Variants in CASZ1 observed in about 807,000 individuals in gnomAD.
The protein encoded by CASZ1 is zinc finger protein castor homolog 1.
In CASZ1, 28 loss-of-function variants were observed where a neutral mutation model predicts 135.2. That is an observed-to-expected ratio of 0.21 (90% CI 0.15 to 0.28). CASZ1 has a LOEUF of 0.28. Ranked by LOEUF, CASZ1 falls within the 10% of genes least tolerant of loss-of-function variation. CASZ1 has a pLI of 1.00. For missense variants in CASZ1, 2,161 were observed against 2,453.3 expected, an observed-to-expected ratio of 0.88 and a Z score of 2.52; for synonymous variants, 1,068 against 1,073.4, an observed-to-expected ratio of 0.99 and a Z score of 0.10.
Position 10,724,975 on chromosome 1 carries a change from T to C in CASZ1, c.-76-19431A>G, listed in dbSNP as rs913408744. Among the ~76,000 whole-genome samples, 1 of 152,226 alleles carries C rather than the reference T, an allele frequency of 6.6e-6. No individual in the cohort carries two copies. The highest frequency in any genetic ancestry group is 2.1e-4 in the South Asian group (1 of 4,836). On this transcript the variant is annotated intron_variant, in intron 2 of 20. Coordinates refer to ENST00000377022, the MANE Select transcript of CASZ1 (RefSeq NM_001079843.3). The surrounding 1 kb of genome is among the most constrained non-coding windows in gnomAD (Gnocchi z 4.1). ...TTGAAATAACCTACAAATTACTTAATGTGTTGTAAATCTGGGGGAATTCAG... is the reference window on the plus strand; with the variant it reads ...TTGAAATAACCTACAAATTACTTAACGTGTTGTAAATCTGGGGGAATTCAG...
At chr1:10,677,987 G>C (rs995153495) in intron 4 of CASZ1, among the ~76,000 whole-genome samples, 1 of 152,320 alleles carries the variant, frequency 6.6e-6, no homozygotes, top group South Asian at 2.1e-4. Context: ...AAATGGGTAG[G>C]ACGTGTGTGG....
chr1:10,655,892 G>C (rs1642773882), intron 8 of CASZ1, 79 bp from the exon 9 acceptor site: 3 of 1,450,468 alleles, frequency 2.1e-6, no homozygotes, highest in Non-Finnish European at 2.9e-6. Flanking sequence ...GAGCACCTGG[G>C]CCAGGTGCTG....
Position 10,755,188 on chromosome 1 carries a change from G to A in CASZ1, c.-77+5513C>T, listed in dbSNP as rs1353583204. 1.3e-5 allele frequency among the ~76,000 whole-genome samples: 2 copies of A among 152,210 alleles called. No homozygotes were observed. The highest frequency in any genetic ancestry group is 1.9e-4 in the East Asian group (1 of 5,188). ...GTGGGCAGCAAGGGGATCACTGGCC[G>A]CCTCATGCCTCAGGGTGGTGGCTCT... On this transcript the variant is annotated intron_variant, in intron 2 of 20. Transcript: ENST00000377022. This position sits in a 1 kb window ranked among gnomAD's most constrained non-coding sequence, Gnocchi z 4.3.
chr1:10,786,815 C>T (rs893148316), intron 1 of CASZ1, among the ~76,000 whole-genome samples: 9 of 152,112 alleles, frequency 5.9e-5, no homozygotes, highest in Non-Finnish European at 1.3e-4. Context: ...TGAATGGGAT[C>T]CCCCATTCTG....
rs59054467 is a variant in CASZ1, at chr1:10,636,655, C to CAAAAAAAAAAAAAAA, written c.*2272_*2286dup. On this transcript the variant is annotated 3_prime_UTR_variant, in exon 21 of 21. Coordinates refer to ENST00000377022, the MANE Select transcript of CASZ1 (RefSeq NM_001079843.3). ...AATGTCAAACCTTGCATCAGTCATG[C>CAAAAAAAAAAAAAAA]AAAAAAAAAAAAAAAAATCAAATAA... The CAAAAAAAAAAAAAAA allele has an allele frequency of 8.8e-6, 1 of 113,274 alleles. No individual in the cohort carries two copies. The highest frequency in any genetic ancestry group is 1.9e-5 in the Non-Finnish European group (1 of 53,270). 7.0% of individuals were successfully genotyped at this position (113,274 alleles called of 1,614,324 possible). A position where few individuals can be genotyped will look rare whatever the true frequency, so the allele number is the denominator to read the frequency against.
intron 2 of CASZ1, among the ~76,000 whole-genome samples, chr1:10,752,358 C>T (rs1441828699): frequency 1.3e-5 from 2 of 152,184 alleles, no homozygotes; most frequent in Non-Finnish European, 2.9e-5. Flanking sequence ...TGGAGAGGCC[C>T]CTAGACTATT....
At chr1:10,752,094 G>A (rs1436038768) in intron 2 of CASZ1, among the ~76,000 whole-genome samples, 1 of 152,314 alleles carries the variant, frequency 6.6e-6, no homozygotes, top group Non-Finnish European at 1.5e-5. Context: ...TCCCCAAGGA[G>A]CTAGCACGGG....
At chr1:10,712,627 CG>C (rs1639307535) in intron 2 of CASZ1, among the ~76,000 whole-genome samples, 1 of 152,020 alleles carries the variant, frequency 6.6e-6, no homozygotes, top group Non-Finnish European at 1.5e-5. Flanking sequence ...GTGGGGCTCC[CG>C]GGGCTCCACA....
chr1:10,670,854 CGT>C (rs1162184512), intron 4 of CASZ1, among the ~76,000 whole-genome samples: 1 of 152,186 alleles, frequency 6.6e-6, no homozygotes, highest in Non-Finnish European at 1.5e-5. Context: ...AGCCAGGACC[CGT>C]CCCCTCCATC....
At chr1:10,772,383 C>T (rs1253804436) in intron 1 of CASZ1, among the ~76,000 whole-genome samples, 3 of 152,212 alleles carry the variant, frequency 2.0e-5, no homozygotes, top group Non-Finnish European at 4.4e-5. Context: ...TAGAAACTTC[C>T]CAGCTTCAGG....
intron 4 of CASZ1, among the ~76,000 whole-genome samples, chr1:10,687,129 A>T (rs981672314): frequency 3.9e-5 from 6 of 152,116 alleles, no homozygotes; most frequent in Non-Finnish European, 4.4e-5. Flanking sequence ...GGGTCCCCCC[A>T]TCTAAAGCTC....
intron 4 of CASZ1, 118 bp downstream of exon 4, chr1:10,693,756 G>GGCCCA: frequency 4.1e-6 from 2 of 482,652 alleles, no homozygotes; most frequent in Non-Finnish European, 4.1e-6. Context: ...GCAGCCGCCC[G>GGCCCA]ACCCTCCCGG....
At chr1:10,787,521 C>A (rs918547514) in intron 1 of CASZ1, among the ~76,000 whole-genome samples, 32 of 152,300 alleles carry the variant, frequency 2.1e-4, no homozygotes. Context: ...GCGAGGGGGG[C>A]GGGCGGAGCT....
intron 2 of CASZ1, among the ~76,000 whole-genome samples, chr1:10,743,293 G>A (rs1407235328): frequency 6.6e-6 from 1 of 152,066 alleles, no homozygotes; most frequent in African/African-American, 2.4e-5. Context: ...ACATTCAAGG[G>A]TGAGTGATAT....
chr1:10,724,492 G>A lies in CASZ1; in HGVS notation c.-76-18948C>T, dbSNP rs1298632298. Among the ~76,000 whole-genome samples, 8 of 152,194 alleles carry A rather than the reference G, an allele frequency of 5.3e-5. No individual in the cohort carries two copies. Among genetic ancestry groups the A allele is most frequent in the Non-Finnish European group, 8.8e-5 (6 of 68,036 alleles). On this transcript the variant is annotated intron_variant, in intron 2 of 20. Coordinates refer to ENST00000377022, the MANE Select transcript of CASZ1 (RefSeq NM_001079843.3). This position sits in a 1 kb window ranked among gnomAD's most constrained non-coding sequence, Gnocchi z 4.1. ...AGCTGTCAGCCACCCCAGGCATGTCGGGAGCTAGAACAGTCCTGGTGGAGA... is the reference window on the plus strand; with the variant it reads ...AGCTGTCAGCCACCCCAGGCATGTCAGGAGCTAGAACAGTCCTGGTGGAGA...
At chr1:10,677,154 G>A (rs1638250037) in intron 4 of CASZ1, among the ~76,000 whole-genome samples, 1 of 152,244 alleles carries the variant, frequency 6.6e-6, no homozygotes, top group African/African-American at 2.4e-5. Flanking sequence ...GAGCTCAGGA[G>A]GGGGCAGGTG....
Position 10,649,311 on chromosome 1 carries a change from C to T in CASZ1, c.3007G>A (p.Ala1003Thr), listed in dbSNP as rs190500829. The change falls in exon 14 of 21, where the codon GCA (alanine) becomes ACA (threonine). Residue 1003 changes from alanine to threonine, a missense_variant. Ala to Thr is a moderately conservative substitution (Grantham distance 58). Around this residue, in one of 7 missense-constraint regions of CASZ1, gnomAD observed 406 missense variants for 387.6 expected, o/e 1.05. Transcript: ENST00000377022. ...AVKALVQEKLAEPWKVYLRRF... is the reference protein window; with the variant it reads ...AVKALVQEKLTEPWKVYLRRF... ...CGCAGGTACACCTTCCAGGGCTCTG[C>T]CAACTTCTCCTGAACCAGCGCCTTC... 3.1e-6 allele frequency: 5 copies of T among 1,596,430 alleles called. No individual in the cohort carries two copies. In the Admixed American group the frequency reaches 8.7e-5, roughly 28 times the overall value.
Position 10,720,495 on chromosome 1 carries a change from C to T in CASZ1, c.-76-14951G>A, listed in dbSNP as rs930150944. On this transcript the variant is annotated intron_variant, in intron 2 of 20. Transcript: ENST00000377022. The surrounding 1 kb of genome is among the most constrained non-coding windows in gnomAD (Gnocchi z 5.7). ...CCCTACTGCCTGCCCTGAAAACTGA[C>T]GAAAGCAGCCACCAAGGCCCTGGAC... 6.6e-5 allele frequency among the ~76,000 whole-genome samples: 10 copies of T among 152,122 alleles called. No homozygotes were observed. Among genetic ancestry groups the T allele is most frequent in the Admixed American group, 3.9e-4 (6 of 15,278 alleles).
rs958611790 is a variant in CASZ1 at position 10,701,766 on chromosome 1, C to A, written c.-24+3726G>T. ...GACGGACTGGGGCCAGGGCTCAGGC[C>A]TGGGGCTGAGCCCCTAGGACCAGGC... On this transcript the variant is annotated intron_variant, in intron 3 of 20. Transcript: ENST00000377022. The surrounding 1 kb of genome is among the most constrained non-coding windows in gnomAD (Gnocchi z 6.3). Among the ~76,000 whole-genome samples the A allele has an allele frequency of 4.6e-5, 7 of 152,188 alleles. No individual in the cohort carries two copies. The highest frequency in any genetic ancestry group is 1.7e-4 in the African/African-American group (7 of 41,438).
Sources: gnomAD v4.1 joint callset for allele counts (sites outside exome capture counted in the v4.1 genomes callset) on GRCh38, gnomAD v4.1.1 for gene constraint, gnomAD v4.1.1 regional missense constraint, Gnocchi (gnomAD v3.1) non-coding constraint, MANE v1.5 for transcripts, NCBI Gene and HGNC (gene_info 2026-07-23, HGNC 2026-07-21) for gene names.